The following RP1L1 variants were observed in gnomAD, a reference collection of about 807,000 sequenced individuals.
The protein encoded by RP1L1 is RP1 like 1.
In RP1L1, 27 loss-of-function variants were observed where a neutral mutation model predicts 15.7. The ratio of observed to expected loss-of-function variants is 1.72; its 90% CI spans 1.27 to 2.38. The LOEUF is 2.38. Ranked by LOEUF, RP1L1 falls within the 30% of genes most tolerant of loss-of-function variation. The pLI is 0.00. For synonymous variants in RP1L1, 1,813 were observed against 1,276.7 expected, an observed-to-expected ratio of 1.42 and a Z score of -8.96; for missense variants, 4,798 against 3,075.9, an observed-to-expected ratio of 1.56 and a Z score of -13.24.
intron 1 of RP1L1, among the ~76,000 whole-genome samples, chr8:10,630,284 G>A (rs1305472009): frequency 6.6e-6 from 1 of 152,238 alleles, no homozygotes; most frequent in Non-Finnish European, 1.5e-5. Context: ...GATGGGCAGA[G>A]GCAAAGGCAC....
intron 1 of RP1L1, among the ~76,000 whole-genome samples, 159 bp downstream of exon 1, chr8:10,654,739 G>C (rs1798612642): frequency 6.6e-6 from 1 of 152,228 alleles, no homozygotes; most frequent in African/African-American, 2.4e-5. Context: ...TTGCAGAAGA[G>C]AACCGATCCT....
At chr8:10,641,778 T>G (rs2117257901) in intron 1 of RP1L1, among the ~76,000 whole-genome samples, 1 of 152,354 alleles carries the variant, frequency 6.6e-6, no homozygotes, top group South Asian at 2.1e-4. Flanking sequence ...GAATGAAGAC[T>G]TAAGCAAACT....
rs560092182 is a variant in RP1L1, at chr8:10,609,171, G to A, written c.4927C>T (p.Leu1643=). The change falls in exon 4 of 4, where the codon CTG becomes TTG. Residue 1643 remains leucine, a synonymous_variant. Coordinates refer to ENST00000382483, the MANE Select transcript of RP1L1 (RefSeq NM_178857.6). ...LEDEPALSTA[L]GSQLGEEAEG... The stretch of plus-strand genomic sequence containing the variant: ...GCCTCCTCGCCCAGCTGGCTCCCCA[G>A]GGCTGTGCTGAGGGCTGGCTCGTCC... 7.9e-5 allele frequency: 127 copies of A among 1,612,378 alleles called. 1 individual carries two copies. In the South Asian group the frequency reaches 1.3e-3, roughly 16 times the overall value.
chr8:10,643,610 C>G (rs1798436690), intron 1 of RP1L1, among the ~76,000 whole-genome samples: 1 of 152,088 alleles, frequency 6.6e-6, no homozygotes, highest in South Asian at 2.1e-4. Context: ...TGTCTTTCCA[C>G]CTGGCTCTTT....
rs928314998 is a variant in RP1L1 at position 10,613,360 on chromosome 8, A to G, written c.752-14T>C. 2 of 1,599,222 alleles carry G rather than the reference A, an allele frequency of 1.3e-6. No homozygotes were observed. Among genetic ancestry groups the G allele is most frequent in the South Asian group, 2.2e-5 (2 of 91,084 alleles). ...GCCCCCAGCTCCCTGGCACGCAGTG[A>G]AGAGGAAAAGAAAAGAAGAAAAGAC... On this transcript the variant is annotated splice_polypyrimidine_tract_variant and intron_variant, in intron 3 of 3. Coordinates refer to ENST00000382483, the MANE Select transcript of RP1L1 (RefSeq NM_178857.6).
chr8:10,625,860 C>T (rs925419182), intron 1 of RP1L1, among the ~76,000 whole-genome samples: 4 of 151,954 alleles, frequency 2.6e-5, no homozygotes, highest in Admixed American at 6.6e-5. Flanking sequence ...CCACTTGTAC[C>T]GATCAGAGCC....
chr8:10,612,985 G>C lies in RP1L1; in HGVS notation c.1113C>G (p.Gly371=), dbSNP rs1446268709. ...CAGGCTCTGAGAAGCCCCAAGGGTAGCCCTCCCACACACAGCAGAGGGGGT... is the reference window on the plus strand; with the variant it reads ...CAGGCTCTGAGAAGCCCCAAGGGTACCCCTCCCACACACAGCAGAGGGGGT... The part of the protein sequence containing the change: ...EVDPLCCVWE[G]YPWGFSEPGV... Residue 371 remains glycine, a synonymous_variant, in exon 4 of 4, where the codon GGC becomes GGG. Transcript: ENST00000382483. The C allele has an allele frequency of 1.2e-6, 2 of 1,613,238 alleles. No homozygotes were observed. Among genetic ancestry groups the C allele is most frequent in the South Asian group, 1.1e-5 (1 of 91,078 alleles).
rs148361006 is a variant in RP1L1 at position 10,629,312 on chromosome 8, C to T, written c.-19-6092G>A. Reference sequence around the variant, plus strand: ...GGCCCTGCCTGGGGGCTACCCATGGCCCTGAGAAAGTGAGAAGGTGACTAA... The same window carrying T: ...GGCCCTGCCTGGGGGCTACCCATGGTCCTGAGAAAGTGAGAAGGTGACTAA... On this transcript the variant is annotated intron_variant, in intron 1 of 3. Transcript: ENST00000382483. 4.1e-4 allele frequency among the ~76,000 whole-genome samples: 63 copies of T among 152,198 alleles called. No individual in the cohort carries two copies. The East Asian group carries it at 0.012, about 29-fold the overall frequency.
chr8:10,651,612 A>C (rs1055197880), intron 1 of RP1L1, among the ~76,000 whole-genome samples: 3 of 152,038 alleles, frequency 2.0e-5, no homozygotes, highest in South Asian at 2.1e-4. Flanking sequence ...CTGTAGTCCC[A>C]GCTACAGGAG....
rs748789699 is a variant in RP1L1, at chr8:10,607,891, C to G, written c.6207G>C (p.Gly2069=). The change falls in exon 4 of 4, where the codon GGG becomes GGC. Residue 2069 remains glycine (G), a synonymous_variant. Transcript: ENST00000382483. ...CCTCCCCTTCTGCCTCCTGGACCTC[C>G]CCTTCAGCCTCCTGTGCCTCCTCTT... ...EAEEEAQEAE[G]EVQEAEGEAH... 1 of 1,586,406 alleles carries G rather than the reference C, an allele frequency of 6.3e-7. No homozygotes were observed. The highest frequency in any genetic ancestry group is 8.6e-7 in the Non-Finnish European group (1 of 1,165,654).
chr8:10,627,490 G>A (rs937228102), intron 1 of RP1L1, among the ~76,000 whole-genome samples: 3 of 152,082 alleles, frequency 2.0e-5, no homozygotes, highest in Non-Finnish European at 4.4e-5. Flanking sequence ...GGAGGTACGA[G>A]AGGGGAGTTA....
At position 10,607,593 on chromosome 8, in the gene RP1L1, C is replaced by A; in HGVS notation, c.6505G>T (p.Ala2169Ser). The A allele has an allele frequency of 1.3e-6, 2 of 1,566,434 alleles. No homozygotes were observed. The highest frequency in any genetic ancestry group is 1.1e-5 in the South Asian group (1 of 88,296). The change falls in exon 4 of 4, where the codon GCT (alanine) becomes TCT (serine). Residue 2169 changes from alanine (A) to serine (S), a missense_variant. Ala to Ser is a moderately conservative substitution (Grantham distance 99). Transcript: ENST00000382483. Reference protein sequence around the residue: ...PESEGIEAQEAEEEAQPELEG... With the variant: ...PESEGIEAQESEEEAQPELEG... ...AACTCTGGTTGGGCCTCCTCTTCAG[C>A]CTCCTGGGCCTCTATACCTTCTGAC...
chr8:10,625,374 G>T (rs188005367), intron 1 of RP1L1, among the ~76,000 whole-genome samples: 1 of 152,152 alleles, frequency 6.6e-6, no homozygotes, highest in Non-Finnish European at 1.5e-5. Context: ...CCAGGAACCT[G>T]GGCCTTCGGG....
At chr8:10,627,847 C>G (rs1216214851) in intron 1 of RP1L1, among the ~76,000 whole-genome samples, 1 of 152,130 alleles carries the variant, frequency 6.6e-6, no homozygotes, top group East Asian at 1.9e-4. Context: ...TGGAGAGTAA[C>G]AGAGCAAGTA....
chr8:10,628,333 T>G (rs73201169), intron 1 of RP1L1, among the ~76,000 whole-genome samples: 12,610 of 152,256 alleles, frequency 0.083, 722 homozygotes, highest in Non-Finnish European at 0.13. Context: ...GTCTAGGTAA[T>G]AGCCCCCCTC....
At chr8:10,628,750 C>A (rs571298815) in intron 1 of RP1L1, among the ~76,000 whole-genome samples, 1 of 152,194 alleles carries the variant, frequency 6.6e-6, no homozygotes, top group African/African-American at 2.4e-5. Flanking sequence ...ACATCCATGA[C>A]AACTCATGGA....
intron 1 of RP1L1, among the ~76,000 whole-genome samples, chr8:10,634,381 A>G (rs1332609276): frequency 6.6e-6 from 1 of 152,194 alleles, no homozygotes; most frequent in East Asian, 1.9e-4. Flanking sequence ...ACCCTCCAGG[A>G]CAACCGCATG....
At chr8:10,615,849 T>A (rs1002676707) in intron 3 of RP1L1, among the ~76,000 whole-genome samples, 6 of 152,188 alleles carry the variant, frequency 3.9e-5, no homozygotes, top group African/African-American at 1.4e-4. Flanking sequence ...TGGCTCTTAA[T>A]AAAATTTATT....
intron 2 of RP1L1, among the ~76,000 whole-genome samples, chr8:10,619,400 T>C (rs1798023100): frequency 6.6e-6 from 1 of 152,182 alleles, no homozygotes; most frequent in Admixed American, 6.5e-5. Context: ...CCCTCGTTGT[T>C]CTAGTACCCA....
Sources: gnomAD v4.1 joint callset for allele counts (sites outside exome capture counted in the v4.1 genomes callset) on GRCh38, gnomAD v4.1.1 for gene constraint, MANE v1.5 for transcripts, NCBI Gene and HGNC (gene_info 2026-07-23, HGNC 2026-07-21) for gene names.